The following ZNF704 variants were observed in gnomAD, a reference collection of about 807,000 sequenced individuals.
ZNF704 encodes zinc finger protein 704.
Under a neutral mutation model 44.7 loss-of-function variants are expected in ZNF704, and 10 were observed. The ratio of observed to expected loss-of-function variants is 0.22; its 90% CI spans 0.14 to 0.38. The LOEUF (loss-of-function observed/expected upper bound fraction) is 0.38, where lower values mean the gene tolerates loss of function less well. ZNF704 is among the 10% of genes least tolerant of loss of function. The pLI is 1.00. For synonymous variants in ZNF704, 211 were observed against 207.6 expected (o/e 1.02, Z -0.14); for missense variants, 390 against 545.5 (o/e 0.71, Z 2.84).
chr8:80,840,195 A>G (rs1808653341), intron 1 of ZNF704, among the ~76,000 whole-genome samples: 1 of 152,250 alleles, frequency 6.6e-6, no homozygotes, highest in South Asian at 2.1e-4. Flanking sequence ...CCATACTCAC[A>G]ATACTCTAAA....
At chr8:80,693,675 A>G (rs1818678442) in intron 2 of ZNF704, among the ~76,000 whole-genome samples, 1 of 152,168 alleles carries the variant, frequency 6.6e-6, no homozygotes, top group Non-Finnish European at 1.5e-5. Flanking sequence ...AAGCAGAGGC[A>G]GCAGCCTGCA....
At chr8:80,716,199 C>T (rs894997547) in intron 2 of ZNF704, among the ~76,000 whole-genome samples, 12 of 152,188 alleles carry the variant, frequency 7.9e-5, no homozygotes, top group African/African-American at 2.4e-4. Flanking sequence ...CTGCCTTCAT[C>T]CTTCATCATA....
upstream of ZNF704, among the ~76,000 whole-genome samples, chr8:80,876,108 A>G (rs1177048726): frequency 1.3e-5 from 2 of 152,046 alleles, no homozygotes; most frequent in African/African-American, 4.8e-5. Context: ...GGAAGTTTCT[A>G]ACAGTTCTAC....
intron 7 of ZNF704, among the ~76,000 whole-genome samples, chr8:80,655,884 C>A (rs546241160): frequency 9.2e-5 from 14 of 152,170 alleles, no homozygotes; most frequent in African/African-American, 3.4e-4. Context: ...GCTTTGGAGA[C>A]CCTCCCCAAC....
At chr8:80,880,699 A>G in the ZNF704 span, among the ~76,000 whole-genome samples, 3 of 152,230 alleles carry the variant, frequency 2.0e-5, no homozygotes, top group East Asian at 5.8e-4. Context: ...ACCTCTAGGG[A>G]ATGATAGCCA....
chr8:80,787,519 T>A (rs1032540175), intron 2 of ZNF704, among the ~76,000 whole-genome samples: 2 of 152,226 alleles, frequency 1.3e-5, no homozygotes, highest in African/African-American at 4.8e-5. Context: ...AACATGCACC[T>A]ATAGTCTTAC....
intron 2 of ZNF704, among the ~76,000 whole-genome samples, chr8:80,746,813 G>A (rs987034843): frequency 5.3e-5 from 8 of 152,120 alleles, no homozygotes; most frequent in Non-Finnish European, 1.2e-4. Context: ...TTGGAGAAAG[G>A]CATTTAAATG....
At chr8:80,814,998 A>G (rs914200056) in intron 2 of ZNF704, among the ~76,000 whole-genome samples, 1 of 152,266 alleles carries the variant, frequency 6.6e-6, no homozygotes, top group Admixed American at 6.5e-5. Flanking sequence ...GAGCCAAATT[A>G]GTTCACAGTT....
chr8:80,661,604 C>T (rs1028830972), intron 6 of ZNF704, among the ~76,000 whole-genome samples: 3 of 152,204 alleles, frequency 2.0e-5, no homozygotes, highest in Admixed American at 1.3e-4. Flanking sequence ...GAGTACTATT[C>T]AGCCATTAAA....
chr8:80,734,368 T>C (rs1806631232), intron 2 of ZNF704, among the ~76,000 whole-genome samples: 1 of 152,248 alleles, frequency 6.6e-6, no homozygotes, highest in Non-Finnish European at 1.5e-5. Flanking sequence ...GATGCCTACC[T>C]AATGGTTAGT....
intron 2 of ZNF704, among the ~76,000 whole-genome samples, chr8:80,817,710 TTG>T (rs1408846611): frequency 2.0e-5 from 3 of 152,238 alleles, no homozygotes; most frequent in African/African-American, 7.2e-5. Flanking sequence ...GGAGTTTGTA[TTG>T]ATACTGAGCT....
intron 2 of ZNF704, among the ~76,000 whole-genome samples, chr8:80,809,482 T>A (rs1052699438): frequency 4.6e-5 from 7 of 152,092 alleles, no homozygotes; most frequent in African/African-American, 1.7e-4. Context: ...GAAAGCAGAG[T>A]TCGTGAGCTT....
At chr8:80,742,266 C>A (rs1028302742) in intron 2 of ZNF704, among the ~76,000 whole-genome samples, 2 of 152,226 alleles carry the variant, frequency 1.3e-5, no homozygotes, top group African/African-American at 4.8e-5. Flanking sequence ...TAACCCCCTC[C>A]AGGAAACCAA....
At chr8:80,768,962 CT>C (rs1025605699) in intron 2 of ZNF704, among the ~76,000 whole-genome samples, 2 of 152,152 alleles carry the variant, frequency 1.3e-5, no homozygotes, top group African/African-American at 4.8e-5. Flanking sequence ...AAGCTAAGAC[CT>C]TGTGATAAGC....
intron 2 of ZNF704, among the ~76,000 whole-genome samples, chr8:80,814,522 G>C (rs1365561940): frequency 6.6e-6 from 1 of 152,232 alleles, no homozygotes; most frequent in East Asian, 1.9e-4. Flanking sequence ...ATGATGGGAA[G>C]AGATAAATGG....
At chr8:80,820,721 T>C (rs1209623308) in intron 2 of ZNF704, among the ~76,000 whole-genome samples, 1 of 151,968 alleles carries the variant, frequency 6.6e-6, no homozygotes, top group Non-Finnish European at 1.5e-5. Flanking sequence ...GGTAACACAG[T>C]GAGACACCAT....
chr8:80,674,899 C>A (rs1295205294), intron 4 of ZNF704, among the ~76,000 whole-genome samples: 1 of 152,126 alleles, frequency 6.6e-6, no homozygotes, highest in Non-Finnish European at 1.5e-5. Context: ...ATACACGTAC[C>A]CAACAGTCCA....
Position 80,841,464 on chromosome 8 carries a change from TTCTC to T in ZNF704, c.-21-19853_-21-19850del, listed in dbSNP as rs573438722. 2.2e-3 allele frequency among the ~76,000 whole-genome samples: 331 copies of T among 152,256 alleles called. 1 individual carries two copies. Among genetic ancestry groups the T allele is most frequent in the African/African-American group, 6.6e-3 (276 of 41,552 alleles). On this transcript the variant is annotated intron_variant, in intron 1 of 8. Transcript: ENST00000327835. ...AACACATATTTTTCAATCTGTGTAC[TTCTC>T]TCTATTTCTATTGCTATCATCATTT...
intron 4 of ZNF704, among the ~76,000 whole-genome samples, chr8:80,678,985 C>T (rs113228201): frequency 2.0e-5 from 3 of 152,132 alleles, no homozygotes; most frequent in African/African-American, 7.2e-5. Context: ...TGGGCAGTGG[C>T]TACATCTCTC....
Sources: allele counts gnomAD v4.1 joint callset (sites outside exome capture counted in the v4.1 genomes callset), GRCh38; gene constraint gnomAD v4.1.1; transcripts MANE v1.5; gene names NCBI Gene and HGNC (gene_info 2026-07-23, HGNC 2026-07-21).